Variants in TMED3 observed in about 807,000 individuals in gnomAD.
TMED3 encodes the protein transmembrane p24 trafficking protein 3, also known as transmembrane emp24 domain-containing protein 3.
Under a neutral mutation model 15.0 loss-of-function variants are expected in TMED3, and 9 were observed. The observed-to-expected ratio is 0.60, with a 90% CI of 0.36 to 1.04. The LOEUF (loss-of-function observed/expected upper bound fraction) is 1.04, where lower values mean the gene tolerates loss of function less well. Among genes scored for constraint, TMED3 ranks in the 50% least tolerant of loss-of-function variants. The pLI is 0.01. For missense variants in TMED3, 267 were observed against 278.9 expected, an observed-to-expected ratio of 0.96 and a Z score of 0.30; for synonymous variants, 117 against 121.4, an observed-to-expected ratio of 0.96 and a Z score of 0.24.
At chr15:79,371,571 A>G (rs1542983) in intron 2 of TMED3, among the ~76,000 whole-genome samples, 24,776 of 152,130 alleles carry the variant, frequency 0.16, 2,420 homozygotes, top group African/African-American at 0.27. Context: ...GTTTTTAAGG[A>G]TACTTTGGTG....
intron 2 of TMED3, among the ~76,000 whole-genome samples, chr15:79,393,267 G>A (rs900877438): frequency 9.2e-5 from 14 of 152,166 alleles, no homozygotes; most frequent in African/African-American, 3.1e-4. Flanking sequence ...AAATAAAACA[G>A]CATAACTGGT....
At chr15:79,405,530 T>C (rs1893892168) in intron 2 of TMED3, among the ~76,000 whole-genome samples, 1 of 152,194 alleles carries the variant, frequency 6.6e-6, no homozygotes, top group South Asian at 2.1e-4. Flanking sequence ...CCAAGAACCC[T>C]ACCAAACCTT....
At chr15:79,355,053 A>G (rs571511163) in intron 2 of TMED3, among the ~76,000 whole-genome samples, 36 of 152,284 alleles carry the variant, frequency 2.4e-4, no homozygotes, top group African/African-American at 7.2e-4. Context: ...CTGGGTTTAC[A>G]TACCCACTTG....
chr15:79,314,505 C>T (rs552740242), intron 2 of TMED3: 238 of 454,886 alleles, frequency 5.2e-4, no homozygotes, highest in Admixed American at 1.4e-3. Context: ...GGAATCCAGG[C>T]TCATTCTTTC....
chr15:79,313,258 C>T (rs2058725080), intron 1 of TMED3, among the ~76,000 whole-genome samples: 1 of 152,018 alleles, frequency 6.6e-6, no homozygotes, highest in East Asian at 1.9e-4. Flanking sequence ...GGACATCCCT[C>T]CTCATCTTGC....
At chr15:79,408,237 G>A (rs1268627724) in intron 2 of TMED3, among the ~76,000 whole-genome samples, 1 of 152,176 alleles carries the variant, frequency 6.6e-6, no homozygotes, top group Non-Finnish European at 1.5e-5. Context: ...CCTTATGCAG[G>A]TTTGGTTTGC....
chr15:79,346,093 C>T (rs556056781), intron 2 of TMED3, among the ~76,000 whole-genome samples: 2 of 152,108 alleles, frequency 1.3e-5, no homozygotes, highest in Non-Finnish European at 2.9e-5. Flanking sequence ...TTCTCCCATT[C>T]TGTAGGTTGG....
intron 2 of TMED3, among the ~76,000 whole-genome samples, chr15:79,380,592 T>G (rs572878790): frequency 0.15 from 21,545 of 141,640 alleles, 1,999 homozygotes; most frequent in South Asian, 0.21. Flanking sequence ...TATATATATA[T>G]ATATATATAG....
intron 2 of TMED3, among the ~76,000 whole-genome samples, chr15:79,362,627 G>A (rs185660881): frequency 6.6e-6 from 1 of 152,318 alleles, no homozygotes; most frequent in African/African-American, 2.4e-5. Context: ...GGACCTGGTT[G>A]GAGGTAATTG....
At chr15:79,382,640 T>C (rs1472621027) in intron 2 of TMED3, among the ~76,000 whole-genome samples, 1 of 152,212 alleles carries the variant, frequency 6.6e-6, no homozygotes, top group Non-Finnish European at 1.5e-5. Flanking sequence ...TCAGCTCCTT[T>C]GGCTCAGAAG....
intron 2 of TMED3, among the ~76,000 whole-genome samples, chr15:79,395,505 A>G (rs1393945729): frequency 6.6e-6 from 1 of 152,222 alleles, no homozygotes; most frequent in Non-Finnish European, 1.5e-5. Flanking sequence ...TTAAGTGGCC[A>G]TACTTAATTT....
At chr15:79,364,703 C>T (rs1049680510) in intron 2 of TMED3, among the ~76,000 whole-genome samples, 1 of 151,824 alleles carries the variant, frequency 6.6e-6, no homozygotes, top group Non-Finnish European at 1.5e-5. Flanking sequence ...TGTCTGAACA[C>T]CGAGAGGAGT....
chr15:79,330,921 T>C (rs926567947), intron 2 of TMED3, among the ~76,000 whole-genome samples: 2 of 152,184 alleles, frequency 1.3e-5, no homozygotes, highest in Non-Finnish European at 2.9e-5. Context: ...TTGATACAAA[T>C]AAATACCCAA....
At chr15:79,343,235 T>A (rs1236691668) in intron 2 of TMED3, among the ~76,000 whole-genome samples, 1 of 152,158 alleles carries the variant, frequency 6.6e-6, no homozygotes, top group Non-Finnish European at 1.5e-5. Context: ...ACCAAGACAC[T>A]CTGTCCATCA....
At chr15:79,374,377 C>T (rs984805560) in intron 2 of TMED3, among the ~76,000 whole-genome samples, 1 of 152,166 alleles carries the variant, frequency 6.6e-6, no homozygotes, top group African/African-American at 2.4e-5. Context: ...GATGTCCCCT[C>T]TTCTTATCAT....
chr15:79,352,911 T>TATATATAAAATATACATATA (rs1397060691), intron 2 of TMED3, among the ~76,000 whole-genome samples: 12 of 101,994 alleles, frequency 1.2e-4, no homozygotes, highest in African/African-American at 4.4e-4. Context: ...ATACATATAA[T>TATATATAAAATATACATATA]ATATATAAAA....
At chr15:79,385,734 G>A (rs1480956014) in intron 2 of TMED3, among the ~76,000 whole-genome samples, 1 of 152,146 alleles carries the variant, frequency 6.6e-6, no homozygotes, top group East Asian at 1.9e-4. Flanking sequence ...CTGCTCCCTA[G>A]AGCGGGAGGC....
intron 1 of TMED3, among the ~76,000 whole-genome samples, chr15:79,312,714 A>C (rs1348003975): frequency 6.6e-6 from 1 of 152,218 alleles, no homozygotes; most frequent in Non-Finnish European, 1.5e-5. Flanking sequence ...AATGATTCCC[A>C]AAGACTCTTC....
chr15:79,372,732 C>T (rs1311992197), intron 2 of TMED3, among the ~76,000 whole-genome samples: 1 of 152,208 alleles, frequency 6.6e-6, no homozygotes, highest in East Asian at 1.9e-4. Flanking sequence ...ATTATGGGAG[C>T]TACAATTCCT....
Sources: gnomAD v4.1 joint callset for allele counts (sites outside exome capture counted in the v4.1 genomes callset) on GRCh38, gnomAD v4.1.1 for gene constraint, MANE v1.5 for transcripts, NCBI Gene and HGNC (gene_info 2026-07-23, HGNC 2026-07-21) for gene names.